The following NIM1K variants were observed in gnomAD, a reference collection of about 807,000 sequenced individuals.
The protein encoded by NIM1K is NIM1 serine/threonine protein kinase.
Under a neutral mutation model 37.1 loss-of-function variants are expected in NIM1K, and 35 were observed. That is an observed-to-expected ratio of 0.94 (90% confidence interval 0.72 to 1.25). NIM1K has a LOEUF of 1.25. Among genes scored for constraint, NIM1K ranks in the 50% most tolerant of loss-of-function variants. The pLI, the probability that NIM1K is intolerant of heterozygous loss-of-function variation, is 0.00. For missense variants in NIM1K, 564 were observed against 548.0 expected (o/e 1.03, Z -0.29); for synonymous variants, 234 against 206.6 (o/e 1.13, Z -1.14).
chr5:43,275,159 A>G (rs893609784), intron 2 of NIM1K, among the ~76,000 whole-genome samples: 1 of 152,234 alleles, frequency 6.6e-6, no homozygotes, highest in Non-Finnish European at 1.5e-5. Context: ...TATTCTAAAC[A>G]TTTTGGTAAA....
intron 2 of NIM1K, among the ~76,000 whole-genome samples, chr5:43,262,991 T>C: frequency 6.6e-6 from 1 of 152,218 alleles, no homozygotes; most frequent in Non-Finnish European, 1.5e-5. Flanking sequence ...AGCTTTTTGA[T>C]GTGCTGCTGG....
intron 2 of NIM1K, among the ~76,000 whole-genome samples, chr5:43,266,161 T>G (rs1753152902): frequency 6.6e-6 from 1 of 152,174 alleles, no homozygotes; most frequent in Non-Finnish European, 1.5e-5. Context: ...CAGACAGGGA[T>G]GTTTAAGTCT....
At chr5:43,251,680 G>A (rs1204216645) in intron 2 of NIM1K, among the ~76,000 whole-genome samples, 1 of 152,136 alleles carries the variant, frequency 6.6e-6, no homozygotes, top group African/African-American at 2.4e-5. Context: ...TACTTTTCTT[G>A]ATGAATTTGT....
chr5:43,196,507 C>T (rs1419926526), intron 1 of NIM1K, among the ~76,000 whole-genome samples: 4 of 150,912 alleles, frequency 2.7e-5, no homozygotes, highest in South Asian at 2.1e-4. Context: ...TGGTGGTGGG[C>T]GCCTGTAGTC....
At chr5:43,194,528 A>G (rs1421963837) in intron 1 of NIM1K, among the ~76,000 whole-genome samples, 3 of 152,214 alleles carry the variant, frequency 2.0e-5, no homozygotes, top group Non-Finnish European at 4.4e-5. Flanking sequence ...TTCCCCAGTA[A>G]TAACTACAGA....
intron 2 of NIM1K, among the ~76,000 whole-genome samples, chr5:43,251,213 C>T (rs939332861): frequency 6.6e-6 from 1 of 152,130 alleles, no homozygotes; most frequent in Admixed American, 6.5e-5. Flanking sequence ...AAAATAAGTA[C>T]AATGCAAACA....
intron 1 of NIM1K, among the ~76,000 whole-genome samples, chr5:43,233,881 G>A (rs1752579230): frequency 6.6e-6 from 1 of 152,212 alleles, no homozygotes; most frequent in Admixed American, 6.5e-5. Context: ...TTCAATGCAT[G>A]ATTCCATTCA....
chr5:43,227,969 A>G (rs913055237), intron 1 of NIM1K, among the ~76,000 whole-genome samples: 5 of 152,210 alleles, frequency 3.3e-5, no homozygotes, highest in Non-Finnish European at 5.9e-5. Context: ...TCAAGGTCAC[A>G]AAGACATTTC....
At chr5:43,211,282 T>C (rs1752200466) in intron 1 of NIM1K, among the ~76,000 whole-genome samples, 1 of 152,144 alleles carries the variant, frequency 6.6e-6, no homozygotes, top group Admixed American at 6.5e-5. Context: ...AATGAACCAA[T>C]AGGGAACAGA....
intron 1 of NIM1K, among the ~76,000 whole-genome samples, chr5:43,215,403 G>A (rs958283133): frequency 6.6e-6 from 1 of 152,128 alleles, no homozygotes; most frequent in Non-Finnish European, 1.5e-5. Context: ...AGCAGTTCTT[G>A]GAGTAGTAAA....
rs768865414 is a variant in NIM1K at position 43,280,172 on chromosome 5, G to A, written c.754G>A (p.Val252Met). ...FRDEHYIGIY[V>M]DIWALGVLLY... ...GGACGAGCACTACATCGGCATTTAC[G>A]TGGATATCTGGGCCTTGGGGGTGCT... Residue 252 changes from valine (V) to methionine (M), a missense_variant, in exon 4 of 4, where the codon GTG becomes ATG. Coordinates refer to ENST00000326035, the MANE Select transcript of NIM1K (RefSeq NM_153361.4). 5.0e-6 allele frequency: 8 copies of A among 1,614,200 alleles called. No individual in the cohort carries two copies. In the South Asian group the frequency reaches 7.7e-5, roughly 16 times the overall value.
At position 43,246,034 on chromosome 5, in the gene NIM1K, C is replaced by G; in HGVS notation, c.259C>G (p.Gln87Glu). 6.2e-7 allele frequency: 1 copy of G among 1,613,584 alleles called. No homozygotes were observed. The highest frequency in any genetic ancestry group is 2.2e-5 in the East Asian group (1 of 44,862). Reference protein sequence around the residue: ...RGEIGSGNFSQVKLGIHSLTK... With the variant: ...RGEIGSGNFSEVKLGIHSLTK... ...GGAAATCGGAAGTGGAAACTTCTCCCAAGTGAAGCTTGGGATTCACTCCCT... is the reference window on the plus strand; with the variant it reads ...GGAAATCGGAAGTGGAAACTTCTCCGAAGTGAAGCTTGGGATTCACTCCCT... Residue 87 changes from glutamine (Q) to glutamate (E), a missense_variant, in exon 2 of 4, where the codon CAA becomes GAA. Gln to Glu is a conservative substitution (Grantham distance 29). Transcript: ENST00000326035.
At chr5:43,229,339 G>A (rs530374037) in intron 1 of NIM1K, among the ~76,000 whole-genome samples, 81 of 140,070 alleles carry the variant, frequency 5.8e-4, no homozygotes, top group African/African-American at 9.9e-4. Flanking sequence ...AGCTGAGATC[G>A]CGCCATTGCA....
intron 1 of NIM1K, among the ~76,000 whole-genome samples, chr5:43,212,270 G>A (rs931312210): frequency 6.6e-6 from 1 of 151,934 alleles, no homozygotes; most frequent in Non-Finnish European, 1.5e-5. Flanking sequence ...CCAACGGATC[G>A]CACATCATTT....
chr5:43,238,640 A>G (rs1445772437), intron 1 of NIM1K, among the ~76,000 whole-genome samples: 1 of 151,778 alleles, frequency 6.6e-6, no homozygotes, highest in Non-Finnish European at 1.5e-5. Flanking sequence ...CTTGGTTGGA[A>G]GCTCCCTGCG....
intron 1 of NIM1K, among the ~76,000 whole-genome samples, chr5:43,238,192 G>A (rs1321160287): frequency 6.6e-6 from 1 of 151,858 alleles, no homozygotes; most frequent in Non-Finnish European, 1.5e-5. Context: ...ACAGGCGCCC[G>A]CCACCACGCC....
chr5:43,244,080 T>C (rs192964440), intron 1 of NIM1K, among the ~76,000 whole-genome samples: 1 of 152,320 alleles, frequency 6.6e-6, no homozygotes, highest in East Asian at 1.9e-4. Flanking sequence ...TTTATGTTTA[T>C]TTGGCAACCC....
intron 1 of NIM1K, among the ~76,000 whole-genome samples, chr5:43,214,148 C>T (rs951198608): frequency 2.0e-5 from 3 of 152,256 alleles, no homozygotes; most frequent in East Asian, 1.9e-4. Flanking sequence ...CCATCCCAGG[C>T]ATCTGAGCCA....
intron 2 of NIM1K, among the ~76,000 whole-genome samples, chr5:43,249,062 T>G (rs1463803444): frequency 6.7e-6 from 1 of 148,210 alleles, no homozygotes; most frequent in African/African-American, 2.5e-5. Flanking sequence ...ATTTATTTAT[T>G]TATTTATTTA....
Sources: gnomAD v4.1 joint callset for allele counts (sites outside exome capture counted in the v4.1 genomes callset) on GRCh38, gnomAD v4.1.1 for gene constraint, MANE v1.5 for transcripts, NCBI Gene and HGNC (gene_info 2026-07-23, HGNC 2026-07-21) for gene names.